KCNQ3: variants seen among roughly 807,000 people sequenced by gnomAD.
KCNQ3 encodes the protein potassium voltage-gated channel subfamily Q member 3.
In KCNQ3, 30 loss-of-function variants were observed where a neutral mutation model predicts 92.5. The ratio of observed to expected loss-of-function variants is 0.32; its 90% CI spans 0.24 to 0.44. KCNQ3 has a LOEUF of 0.44. KCNQ3 is among the 20% of genes least tolerant of loss of function. The probability of loss-of-function intolerance (pLI) is 1.00; values close to 1 mark genes in which losing one functional copy is unlikely to be tolerated. For synonymous variants in KCNQ3, 450 were observed against 468.8 expected (o/e 0.96, Z 0.52); for missense variants, 913 against 1,140.3 (o/e 0.80, Z 2.87).
intron 1 of KCNQ3, among the ~76,000 whole-genome samples, chr8:132,215,192 T>G (rs1418079020): frequency 6.6e-6 from 1 of 152,242 alleles, no homozygotes; most frequent in African/African-American, 2.4e-5. Context: ...GGCCAGTCAC[T>G]TAATCTTTCT....
intron 9 of KCNQ3, among the ~76,000 whole-genome samples, chr8:132,144,973 G>A (rs1414433607): frequency 6.6e-6 from 1 of 152,172 alleles, no homozygotes; most frequent in Non-Finnish European, 1.5e-5. Context: ...TACTAAATCA[G>A]TGGTTCTCAA....
chr8:132,282,198 A>G (rs963697651), intron 1 of KCNQ3, among the ~76,000 whole-genome samples: 1 of 152,230 alleles, frequency 6.6e-6, no homozygotes, highest in African/African-American at 2.4e-5. Flanking sequence ...GTTTCAAAAC[A>G]CTATCTGCCT....
In KCNQ3 at chr8:132,175,526, G is replaced by A. The variant is rs531151809; in HGVS notation, c.860C>T (p.Pro287Leu). ...FLVYLVEKDV[P>L]EVDAQGEEMK... is the part of the protein sequence containing the mutation. The stretch of plus-strand genomic sequence containing the variant: ...CTCCTCTCCTTGTGCATCCACCTCT[G>A]GGACGTCTTTCTCAACCAGGTAGAC... Residue 287 changes from proline to leucine, a missense_variant, in exon 5 of 15, where the codon CCA (proline) becomes CTA (leucine). Physicochemically the swap from Pro to Leu is moderately conservative, Grantham distance 98 (BLOSUM62 -3). This residue lies in a region of KCNQ3 where 100 missense variants were observed against 217.6 expected (regional missense o/e 0.46). Transcript: ENST00000388996. The A allele has an allele frequency of 6.2e-7, 1 of 1,614,128 alleles. No individual in the cohort carries two copies. The highest frequency in any genetic ancestry group is 2.2e-5 in the East Asian group (1 of 44,860).
chr8:132,249,939 G>T (rs7819436), intron 1 of KCNQ3, among the ~76,000 whole-genome samples: 1 of 152,122 alleles, frequency 6.6e-6, no homozygotes, highest in Non-Finnish European at 1.5e-5. Flanking sequence ...GGCACCGGCC[G>T]GCCGCTCCAA....
At chr8:132,431,476 C>G (rs1297834326) in intron 1 of KCNQ3, among the ~76,000 whole-genome samples, 2 of 152,210 alleles carry the variant, frequency 1.3e-5, no homozygotes, top group Non-Finnish European at 2.9e-5. Context: ...TCGGTGATGT[C>G]CCTGAATCTC....
intron 1 of KCNQ3, among the ~76,000 whole-genome samples, chr8:132,255,044 C>T (rs1042164845): frequency 1.4e-4 from 21 of 151,730 alleles, no homozygotes; most frequent in Admixed American, 1.3e-4. Flanking sequence ...TTTAAATTGG[C>T]TGAATTGGTA....
intron 1 of KCNQ3, among the ~76,000 whole-genome samples, chr8:132,239,290 T>C (rs1814913493): frequency 6.6e-6 from 1 of 152,222 alleles, no homozygotes; most frequent in African/African-American, 2.4e-5. Context: ...CCTGCTCCTC[T>C]TTGGCAAATT....
chr8:132,140,205 G>A, intron 10 of KCNQ3, 27 bp from the exon 11 acceptor site: 3 of 1,554,066 alleles, frequency 1.9e-6, no homozygotes, highest in Non-Finnish European at 2.7e-6. Context: ...CATATGAACG[G>A]CAGGCCACAG....
At chr8:132,460,411 A>T (rs1231142930) in intron 1 of KCNQ3, among the ~76,000 whole-genome samples, 1 of 152,046 alleles carries the variant, frequency 6.6e-6, no homozygotes, top group Non-Finnish European at 1.5e-5. Flanking sequence ...GATACTCTAG[A>T]CTCCATTTAC....
chr8:132,332,008 C>T (rs145482478), intron 1 of KCNQ3, among the ~76,000 whole-genome samples: 31 of 152,338 alleles, frequency 2.0e-4, no homozygotes, highest in African/African-American at 7.2e-4. Flanking sequence ...ATCCCCTCCC[C>T]TTGAATGTGG....
At chr8:132,311,465 T>C (rs923811596) in intron 1 of KCNQ3, among the ~76,000 whole-genome samples, 7 of 151,888 alleles carry the variant, frequency 4.6e-5, no homozygotes, top group Non-Finnish European at 1.0e-4. Flanking sequence ...AAGGTCAAAA[T>C]GATTTAGCAG....
At chr8:132,266,762 A>C (rs554830995) in intron 1 of KCNQ3, among the ~76,000 whole-genome samples, 2 of 152,258 alleles carry the variant, frequency 1.3e-5, no homozygotes, top group East Asian at 3.9e-4. Flanking sequence ...GTCTGGAGTG[A>C]AGCTGAAGAA....
At chr8:132,193,388 G>C (rs1026731293) in intron 1 of KCNQ3, among the ~76,000 whole-genome samples, 1 of 152,204 alleles carries the variant, frequency 6.6e-6, no homozygotes, top group Non-Finnish European at 1.5e-5. Context: ...GCTCTAAAGC[G>C]GCAGATGCAG....
intron 1 of KCNQ3, among the ~76,000 whole-genome samples, chr8:132,477,774 G>T (rs1822449561): frequency 6.6e-6 from 1 of 152,132 alleles, no homozygotes; most frequent in African/African-American, 2.4e-5. Flanking sequence ...GCTAGCAAGG[G>T]GAGGCCAAGG....
chr8:132,345,330 G>A lies in KCNQ3; in HGVS notation c.386+134817C>T, dbSNP rs113290911. 1.3e-3 allele frequency among the ~76,000 whole-genome samples: 193 copies of A among 152,246 alleles called. 4 individuals are homozygous for A. The highest frequency in any genetic ancestry group is 4.6e-3 in the African/African-American group (190 of 41,536). On this transcript the variant is annotated intron_variant, in intron 1 of 14. Coordinates refer to ENST00000388996, the MANE Select transcript of KCNQ3 (RefSeq NM_004519.4). ...GTGCAATGAAGGTGAAATACATTTG[G>A]AACCTTGAAAAGAGTACATAAAACT...
chr8:132,395,257 C>A (rs995220581), intron 1 of KCNQ3, among the ~76,000 whole-genome samples: 1 of 151,840 alleles, frequency 6.6e-6, no homozygotes, highest in Non-Finnish European at 1.5e-5. Context: ...TTTATGATTT[C>A]TTTGTGTTGA....
At chr8:132,319,341 A>G (rs1817834410) in intron 1 of KCNQ3, among the ~76,000 whole-genome samples, 1 of 152,208 alleles carries the variant, frequency 6.6e-6, no homozygotes, top group South Asian at 2.1e-4. Context: ...GTATTCCCAC[A>G]GTGATGCCTG....
At chr8:132,258,388 AT>A (rs1359323782) in intron 1 of KCNQ3, among the ~76,000 whole-genome samples, 196 of 152,274 alleles carry the variant, frequency 1.3e-3, no homozygotes, top group African/African-American at 4.5e-3. Flanking sequence ...GAAAATAATA[AT>A]AATACATTCC....
chr8:132,265,183 A>G (rs927531007), intron 1 of KCNQ3, among the ~76,000 whole-genome samples: 2 of 152,260 alleles, frequency 1.3e-5, no homozygotes, highest in Admixed American at 1.3e-4. Flanking sequence ...GGCATTCTAG[A>G]ATAGCAGCTT....
Sources: gnomAD v4.1 joint callset for allele counts (sites outside exome capture counted in the v4.1 genomes callset) on GRCh38, gnomAD v4.1.1 for gene constraint, gnomAD v4.1.1 regional missense constraint, MANE v1.5 for transcripts, NCBI Gene and HGNC (gene_info 2026-07-23, HGNC 2026-07-21) for gene names.